TGFBR3: variants seen among roughly 807,000 people sequenced by gnomAD.
TGFBR3 encodes transforming growth factor beta receptor type 3.
Under a neutral mutation model 87.9 loss-of-function variants are expected in TGFBR3, and 46 were observed. The ratio of observed to expected loss-of-function variants is 0.52; its 90% CI spans 0.41 to 0.67. TGFBR3 has a LOEUF of 0.67. Among genes scored for constraint, TGFBR3 ranks in the 30% least tolerant of loss-of-function variants. TGFBR3 has a pLI of 0.00. For synonymous variants in TGFBR3, 381 were observed against 391.6 expected, an observed-to-expected ratio of 0.97 and a Z score of 0.32; for missense variants, 866 against 1,041.9, an observed-to-expected ratio of 0.83 and a Z score of 2.32.
At chr1:91,773,458 T>A (rs1003376816) in intron 3 of TGFBR3, among the ~76,000 whole-genome samples, 1 of 152,072 alleles carries the variant, frequency 6.6e-6, no homozygotes, top group Admixed American at 6.5e-5. Context: ...GGCGGGCAGA[T>A]CACCTGAAGT....
Position 91,797,426 on chromosome 1 carries a change from G to A in TGFBR3, c.107C>T (p.Ser36Phe), listed in dbSNP as rs762209366. Residue 36 changes from serine to phenylalanine, a missense_variant, in exon 3 of 17, where the codon TCC (serine) becomes TTC (phenylalanine). Physicochemically the swap from Ser to Phe is radical, Grantham distance 155 (BLOSUM62 -2). Coordinates refer to ENST00000212355, the MANE Select transcript of TGFBR3 (RefSeq NM_003243.5). ...CTCCATCAAGGCCTGGACAGGATGGGAGGCACTGACAGGTGACAGTTCACA... is the reference window on the plus strand; with the variant it reads ...CTCCATCAAGGCCTGGACAGGATGGAAGGCACTGACAGGTGACAGTTCACA... ...ALCELSPVSA[S>F]HPVQALMESF... The A allele has an allele frequency of 6.2e-7, 1 of 1,614,226 alleles. No individual in the cohort carries two copies. Among genetic ancestry groups the A allele is most frequent in the African/African-American group, 1.3e-5 (1 of 75,060 alleles).
intron 7 of TGFBR3, among the ~76,000 whole-genome samples, chr1:91,725,225 T>C (rs77884218): frequency 0.035 from 5,306 of 152,220 alleles, 136 homozygotes; most frequent in Non-Finnish European, 0.055. Context: ...ATTCTGCCCA[T>C]GCCCCACCCC....
intron 2 of TGFBR3, among the ~76,000 whole-genome samples, chr1:91,895,063 C>A (rs976823739): frequency 1.3e-5 from 2 of 152,144 alleles, no homozygotes; most frequent in African/African-American, 4.8e-5. Context: ...AGCCACCGCG[C>A]CCAGCTGAGA....
chr1:91,839,297 T>G (rs1046429663), intron 2 of TGFBR3, among the ~76,000 whole-genome samples: 1 of 152,196 alleles, frequency 6.6e-6, no homozygotes, highest in Admixed American at 6.5e-5. Context: ...AGTCTTTTTA[T>G]ATACTTGTGG....
rs1054793202 is a variant in TGFBR3, at chr1:91,708,648, C to T, written c.2287+15G>A. 5 of 1,613,898 alleles carry T rather than the reference C, an allele frequency of 3.1e-6. No individual in the cohort carries two copies. In the Admixed American group the frequency reaches 6.7e-5, roughly 22 times the overall value. The stretch of plus-strand genomic sequence containing the variant: ...GCTCAGGCCCCATGCTCTGATCGTG[C>T]CTCCCAAAGCACACCTTTAGATTCT... On this transcript the variant is annotated intron_variant, in intron 14 of 16. Coordinates refer to ENST00000212355, the MANE Select transcript of TGFBR3 (RefSeq NM_003243.5).
rs138933409 is a variant in TGFBR3, at chr1:91,745,286, C to CT, written c.385-10328dup. On this transcript the variant is annotated intron_variant, in intron 4 of 16. Transcript: ENST00000212355. Reference sequence around the variant, plus strand: ...TCCTGACTCCTGCACAAACAAATCTCTTTTTGGAGTTGCCTGCTTAGGAAA... The same window carrying CT: ...TCCTGACTCCTGCACAAACAAATCTCTTTTTTGGAGTTGCCTGCTTAGGAAA... 5.2e-3 allele frequency among the ~76,000 whole-genome samples: 791 copies of CT among 152,328 alleles called. 6 individuals are homozygous for CT. Among genetic ancestry groups the CT allele is most frequent in the African/African-American group, 0.018 (762 of 41,578 alleles).
intron 3 of TGFBR3, among the ~76,000 whole-genome samples, chr1:91,780,722 GC>G (rs1674731853): frequency 6.6e-6 from 1 of 151,642 alleles, no homozygotes; most frequent in Admixed American, 6.6e-5. Flanking sequence ...ACCATGCCTG[GC>G]TAATTTTGTA....
At chr1:91,769,636 G>T (rs1007927559) in intron 3 of TGFBR3, among the ~76,000 whole-genome samples, 9 of 150,850 alleles carry the variant, frequency 6.0e-5, no homozygotes, top group African/African-American at 1.7e-4. Context: ...CTGTGTTTTT[G>T]TTTTTTTTGT....
intron 1 of TGFBR3, among the ~76,000 whole-genome samples, chr1:91,869,192 C>A (rs10493856): frequency 6.6e-6 from 1 of 151,936 alleles, no homozygotes; most frequent in Non-Finnish European, 1.5e-5. Context: ...ACACCTAGAA[C>A]GCAGTACAAC....
chr1:91,882,473 C>T (rs777006493), intron 1 of TGFBR3, among the ~76,000 whole-genome samples: 12 of 151,142 alleles, frequency 7.9e-5, no homozygotes, highest in Non-Finnish European at 1.3e-4. Context: ...GGCCAGGCAC[C>T]GTGGCTCACG....
intron 1 of TGFBR3, 138 bp from the exon 2 acceptor site, chr1:91,861,782 C>A: frequency 2.0e-6 from 1 of 510,932 alleles, no homozygotes; most frequent in Non-Finnish European, 3.5e-6. Flanking sequence ...CTCAAGCAAA[C>A]TAGACTGAGG....
At chr1:91,835,991 T>C (rs1264556981) in intron 2 of TGFBR3, among the ~76,000 whole-genome samples, 1 of 152,110 alleles carries the variant, frequency 6.6e-6, no homozygotes, top group Non-Finnish European at 1.5e-5. Flanking sequence ...TTCATGCCCG[T>C]AATCCCAGCA....
chr1:91,798,540 G>A (rs536282721), intron 2 of TGFBR3, among the ~76,000 whole-genome samples: 34 of 151,894 alleles, frequency 2.2e-4, no homozygotes, highest in Admixed American at 5.2e-4. Flanking sequence ...CTCTCACTCC[G>A]CCCCCACAAC....
chr1:91,886,286 C>T (rs1461143401), upstream of TGFBR3: 1 of 413,020 alleles, frequency 2.4e-6, no homozygotes, highest in South Asian at 1.7e-5. Context: ...TCTCGGCCGC[C>T]CAGAAACTCC....
intron 14 of TGFBR3, among the ~76,000 whole-genome samples, chr1:91,705,698 A>G (rs2100743554): frequency 6.6e-6 from 1 of 152,292 alleles, no homozygotes; most frequent in African/African-American, 2.4e-5. Flanking sequence ...AGTAAGCGCA[A>G]AGTTAGAAAG....
At chr1:91,728,136 T>C (rs1485135630) in intron 6 of TGFBR3, among the ~76,000 whole-genome samples, 15 of 152,194 alleles carry the variant, frequency 9.9e-5, no homozygotes, top group Non-Finnish European at 1.5e-5. Context: ...TATTGTTGCT[T>C]TTTCAACCTT....
At chr1:91,845,043 A>G (rs1318992989) in intron 2 of TGFBR3, among the ~76,000 whole-genome samples, 1 of 152,260 alleles carries the variant, frequency 6.6e-6, no homozygotes, top group Non-Finnish European at 1.5e-5. Context: ...CTGTACACCC[A>G]GGAATAAATT....
At chr1:91,699,706 A>G (rs1405766208) in intron 14 of TGFBR3, among the ~76,000 whole-genome samples, 2 of 152,196 alleles carry the variant, frequency 1.3e-5, no homozygotes, top group African/African-American at 4.8e-5. Flanking sequence ...TGAGACTCTG[A>G]TATCGTGTGA....
intron 16 of TGFBR3, among the ~76,000 whole-genome samples, chr1:91,692,003 A>G (rs1382076847): frequency 1.3e-5 from 2 of 150,560 alleles, no homozygotes; most frequent in Non-Finnish European, 2.9e-5. Flanking sequence ...GTCTCAAAAC[A>G]AAAAAAAGAA....
Sources: allele counts gnomAD v4.1 joint callset (sites outside exome capture counted in the v4.1 genomes callset), GRCh38; gene constraint gnomAD v4.1.1; transcripts MANE v1.5; gene names NCBI Gene and HGNC (gene_info 2026-07-23, HGNC 2026-07-21).